The following TLN2 variants were observed in gnomAD, a reference collection of about 807,000 sequenced individuals.
TLN2 encodes talin 2, also known as talin-2.
A neutral mutation model predicts 294.7 loss-of-function variants in TLN2; 118 were observed. The ratio of observed to expected loss-of-function variants is 0.40; its 90% confidence interval spans 0.34 to 0.47. The LOEUF (loss-of-function observed/expected upper bound fraction) is 0.47. Ranked by LOEUF, TLN2 falls within the 20% of genes least tolerant of loss-of-function variation. The pLI is 0.84. For synonymous variants in TLN2, 1,431 were observed against 1,304.5 expected (o/e 1.10, Z -2.09); for missense variants, 3,083 against 3,282.2 (o/e 0.94, Z 1.48).
chr15:62,587,101 A>G (rs1315538093), intron 1 of TLN2, among the ~76,000 whole-genome samples: 2 of 152,232 alleles, frequency 1.3e-5, no homozygotes, highest in Admixed American at 1.3e-4. Flanking sequence ...ACCCAAAGGC[A>G]GGGGTGACAT....
intron 10 of TLN2, among the ~76,000 whole-genome samples, chr15:62,674,803 A>G (rs780889074): frequency 6.6e-6 from 1 of 152,188 alleles, no homozygotes; most frequent in Non-Finnish European, 1.5e-5. Context: ...CACCCAGCCA[A>G]TACATTGAGG....
chr15:62,829,098 T>C (rs1225839501), intron 54 of TLN2: 1 of 150,418 alleles, frequency 6.6e-6, no homozygotes, highest in Non-Finnish European at 1.5e-5. Flanking sequence ...TTTATTTATT[T>C]ATTTTTCTTT....
At chr15:62,655,311 G>C (rs1482899216) in intron 7 of TLN2, among the ~76,000 whole-genome samples, 1 of 152,188 alleles carries the variant, frequency 6.6e-6, no homozygotes, top group African/African-American at 2.4e-5. Context: ...CTGTGAAAGT[G>C]TAGAGGGGAG....
Position 62,725,298 on chromosome 15 carries a change from G to A in TLN2, c.3255+194G>A, listed in dbSNP as rs373826403. 2.2e-4 allele frequency among the ~76,000 whole-genome samples: 33 copies of A among 152,302 alleles called. No homozygotes were observed. The East Asian group carries it at 5.4e-3, about 25-fold the overall frequency. ...TTATGAGCGCTGGATTCTACACTCA[G>A]CTGTATCATCAACTAGCTGTGCACG... On this transcript the variant is annotated intron_variant, in intron 27 of 58. Transcript: ENST00000636159.
chr15:62,786,065 G>T (rs191289501), intron 45 of TLN2, among the ~76,000 whole-genome samples: 1 of 152,286 alleles, frequency 6.6e-6, no homozygotes, highest in Non-Finnish European at 1.5e-5. Flanking sequence ...GAGTGAAAAG[G>T]GGCAGAGAGA....
chr15:62,546,561 G>A (rs540272091), intron 1 of TLN2, among the ~76,000 whole-genome samples: 1 of 152,292 alleles, frequency 6.6e-6, no homozygotes, highest in South Asian at 2.1e-4. Flanking sequence ...TCTTCCTGGG[G>A]GCATGTTGTC....
chr15:62,398,175 C>T (rs1001022417), intron 1 of TLN2, among the ~76,000 whole-genome samples: 1 of 152,136 alleles, frequency 6.6e-6, no homozygotes, highest in Admixed American at 6.5e-5. Flanking sequence ...GTGCTATACT[C>T]ATGCTATTCT....
intron 44 of TLN2, among the ~76,000 whole-genome samples, chr15:62,783,527 A>G (rs2064365695): frequency 6.6e-6 from 1 of 152,234 alleles, no homozygotes; most frequent in East Asian, 1.9e-4. Context: ...CCCGGCCAGA[A>G]TCTGTGGCCT....
chr15:62,652,054 T>C lies in TLN2; in HGVS notation c.284T>C (p.Leu95Pro). Reference protein sequence around the residue: ...KKQRPQKIRMLDGSVKTVMVD... With the variant: ...KKQRPQKIRMPDGSVKTVMVD... ...CAGAGACCTCAGAAAATCCGGATGC[T>C]GGATGGATCTGTGAAGACAGTGATG... The change falls in exon 6 of 59, where the codon CTG becomes CCG. Residue 95 changes from leucine to proline, a missense_variant. Coordinates refer to ENST00000636159, the MANE Select transcript of TLN2 (RefSeq NM_015059.3). 6.2e-7 allele frequency: 1 copy of C among 1,612,014 alleles called. No homozygotes were observed. Among genetic ancestry groups the C allele is most frequent in the Non-Finnish European group, 8.5e-7 (1 of 1,178,734 alleles).
chr15:62,638,234 T>C (rs76826546), intron 3 of TLN2: 3,544 of 317,456 alleles, frequency 0.011, 136 homozygotes, highest in African/African-American at 0.073. Flanking sequence ...TGTAGTGCAC[T>C]ACCCCTTCCT....
intron 48 of TLN2, among the ~76,000 whole-genome samples, chr15:62,797,915 C>T (rs774937531): frequency 1.2e-4 from 19 of 152,142 alleles, no homozygotes; most frequent in Non-Finnish European, 2.2e-4. Context: ...GCCAGGGAGT[C>T]GGGGCAGAGC....
At chr15:62,628,805 A>G (rs1326201412) in intron 3 of TLN2, among the ~76,000 whole-genome samples, 3 of 152,238 alleles carry the variant, frequency 2.0e-5, no homozygotes, top group Non-Finnish European at 4.4e-5. Flanking sequence ...CTGTCCTGAT[A>G]TCTGCAAAGT....
intron 1 of TLN2, among the ~76,000 whole-genome samples, chr15:62,534,497 C>T (rs144021304): frequency 1.8e-3 from 267 of 152,308 alleles, no homozygotes; most frequent in African/African-American, 6.2e-3. Flanking sequence ...ATGCCCACTC[C>T]GGGTGGATGC....
intron 1 of TLN2, among the ~76,000 whole-genome samples, chr15:62,506,956 A>G (rs2039651600): frequency 6.6e-6 from 1 of 151,996 alleles, no homozygotes; most frequent in Admixed American, 6.6e-5. Flanking sequence ...TGTGAAGTGA[A>G]TGACAAGATA....
chr15:62,529,838 T>G (rs2140493663), intron 1 of TLN2, among the ~76,000 whole-genome samples: 1 of 152,366 alleles, frequency 6.6e-6, no homozygotes, highest in Non-Finnish European at 1.5e-5. Flanking sequence ...ATCATATGGA[T>G]GCACTGTAAC....
At chr15:62,784,058 G>C in intron 45 of TLN2, 168 bp downstream of exon 45, 11 of 1,223,676 alleles carry the variant, frequency 9.0e-6, no homozygotes, top group Non-Finnish European at 1.2e-5. Flanking sequence ...GTAGCCCCAG[G>C]CTGTACTCAA....
intron 25 of TLN2, among the ~76,000 whole-genome samples, chr15:62,720,370 C>G (rs529052317): frequency 3.9e-5 from 6 of 152,064 alleles, no homozygotes; most frequent in African/African-American, 1.4e-4. Context: ...GGAAAATAAA[C>G]GAAAATATTA....
rs1555473903 is a variant in TLN2 at position 62,693,970 on chromosome 15, T to TTG, written c.1216-345_1216-344insGT. Reference sequence around the variant, plus strand: ...GATTTTCTTTCTTTTTTTTTTTTTTTTTTTTTTTTTTTTTTTGAGACAGAG... The same window carrying TTG: ...GATTTTCTTTCTTTTTTTTTTTTTTTTGTTTTTTTTTTTTTTTTGAGACAGAG... On this transcript the variant is annotated intron_variant, in intron 13 of 58. Transcript: ENST00000636159. 1.0e-3 allele frequency among the ~76,000 whole-genome samples: 125 copies of TTG among 123,246 alleles called. 1 individual carries two copies. Among genetic ancestry groups the TTG allele is most frequent in the African/African-American group, 4.5e-3 (120 of 26,964 alleles). 80.9% of individuals were successfully genotyped at this position (123,246 alleles called of 152,430 possible). A position where few individuals can be genotyped will look rare whatever the true frequency, so the allele number is the denominator to read the frequency against.
At chr15:62,531,191 T>A (rs1437271435) in intron 1 of TLN2, among the ~76,000 whole-genome samples, 1 of 152,248 alleles carries the variant, frequency 6.6e-6, no homozygotes, top group Non-Finnish European at 1.5e-5. Context: ...CATCAACAGA[T>A]GAATAGATAA....
Sources: gnomAD v4.1 joint callset for allele counts (sites outside exome capture counted in the v4.1 genomes callset) on GRCh38, gnomAD v4.1.1 for gene constraint, MANE v1.5 for transcripts, NCBI Gene and HGNC (gene_info 2026-07-23, HGNC 2026-07-21) for gene names.